DRC11L: variants seen among roughly 807,000 people sequenced by gnomAD.
DRC11L encodes the protein dynein regulatory complex subunit like-11.
chr7:151,195,753 G>GC, the DRC11L span: 2 of 398,010 alleles, frequency 5.0e-6, no homozygotes, highest in Non-Finnish European at 8.9e-6. Context: ...GAGGGGAGGA[G>GC]CCTTACAGAA....
chr7:151,198,900 C>T, the DRC11L span: 2 of 399,006 alleles, frequency 5.0e-6, no homozygotes, highest in Admixed American at 8.8e-5. Flanking sequence ...CATTGCTGCC[C>T]GGAACTCCTC....
chr7:151,199,703 T>A, the DRC11L span, among the ~76,000 whole-genome samples: 1 of 151,330 alleles, frequency 6.6e-6, no homozygotes, highest in East Asian at 2.0e-4. The surrounding 1 kb of genome is among the most constrained non-coding windows in gnomAD (Gnocchi z 5.2). Flanking sequence ...CTCCAATCCC[T>A]CCAGTCCCCA....
chr7:151,197,499 T>C, the DRC11L span, among the ~76,000 whole-genome samples: 1 of 152,144 alleles, frequency 6.6e-6, no homozygotes, highest in Admixed American at 6.5e-5. Flanking sequence ...CAGCTGAGCA[T>C]GCAGAGACTC....
At chr7:151,193,922 A>AC in the DRC11L span, among the ~76,000 whole-genome samples, 5 of 150,736 alleles carry the variant, frequency 3.3e-5, no homozygotes, top group African/African-American at 1.2e-4. Context: ...AAAAAAAAAA[A>AC]GGAAGGCATG....
the DRC11L span, chr7:151,192,505 C>A: frequency 2.5e-6 from 1 of 398,694 alleles, no homozygotes; most frequent in Non-Finnish European, 4.4e-6. Flanking sequence ...AGTGGCCCAG[C>A]GTATGGGGCT....
the DRC11L span, among the ~76,000 whole-genome samples, chr7:151,201,288 T>C: frequency 3.0e-3 from 463 of 152,346 alleles, 2 homozygotes; most frequent in Non-Finnish European, 5.5e-3. The surrounding 1 kb of genome is among the most constrained non-coding windows in gnomAD (Gnocchi z 4.1). Flanking sequence ...GGGTCCTTCA[T>C]ATATTCTTTC....
At chr7:151,196,501 C>T in the DRC11L span, 7 of 399,634 alleles carry the variant, frequency 1.8e-5, no homozygotes, top group Admixed American at 4.4e-5. Context: ...CGGAGGGTCT[C>T]GGAGTCATAA....
At chr7:151,201,513 A>G in the DRC11L span, among the ~76,000 whole-genome samples, 3 of 152,364 alleles carry the variant, frequency 2.0e-5, no homozygotes, top group East Asian at 5.8e-4. This position sits in a 1 kb window ranked among gnomAD's most constrained non-coding sequence, Gnocchi z 4.1. Context: ...ATCCTGCCTC[A>G]GACCAGCATG....
At chr7:151,203,509 G>A in the DRC11L span, 1 of 399,112 alleles carries the variant, frequency 2.5e-6, no homozygotes, top group Non-Finnish European at 4.4e-6. Flanking sequence ...GAACCTCCAG[G>A]TCAGCCTTTG....
At chr7:151,194,634 A>T in the DRC11L span, 2 of 399,232 alleles carry the variant, frequency 5.0e-6, no homozygotes. Context: ...CCCCACCACC[A>T]CAAGGGACAT....
chr7:151,197,370 A>ATTTTACAGAAGAGAGCCCTGGG, the DRC11L span: 2 of 398,782 alleles, frequency 5.0e-6, no homozygotes, highest in South Asian at 1.3e-4. Flanking sequence ...GATCAAGGGG[A>ATTTTACAGAAGAGAGCCCTGGG]TTTTACAGAA....
the DRC11L span, chr7:151,195,691 C>T: frequency 1.3e-5 from 5 of 398,982 alleles, no homozygotes; most frequent in Non-Finnish European, 2.2e-5. Context: ...GGCGGGGTGG[C>T]CTGGGGCTGG....
the DRC11L span, among the ~76,000 whole-genome samples, chr7:151,200,718 C>T: frequency 1.2e-4 from 19 of 152,256 alleles, no homozygotes; most frequent in East Asian, 3.1e-3. Context: ...TTTGCTATCT[C>T]TTTTGAGGGA....
chr7:151,197,706 C>T, the DRC11L span: 2 of 392,666 alleles, frequency 5.1e-6, no homozygotes, highest in Non-Finnish European at 9.0e-6. Context: ...TGCATTTCCC[C>T]CAGCCACCTC....
chr7:151,191,530 T>A, the DRC11L span: 1 of 397,870 alleles, frequency 2.5e-6, no homozygotes, highest in Middle Eastern at 6.3e-4. Context: ...TTCCACTGAT[T>A]GTCTTCTGGT....
the DRC11L span, among the ~76,000 whole-genome samples, chr7:151,191,465 C>G: frequency 2.0e-5 from 3 of 152,218 alleles, no homozygotes; most frequent in Admixed American, 2.0e-4. Flanking sequence ...GGCCCCGAAG[C>G]CTTGGCATTT....
the DRC11L span, chr7:151,198,669 G>A: frequency 5.0e-6 from 2 of 397,038 alleles, no homozygotes; most frequent in Non-Finnish European, 8.9e-6. Flanking sequence ...GGACCTGGGG[G>A]TAGAGGAGAA....
At chr7:151,200,220 G>T in the DRC11L span, among the ~76,000 whole-genome samples, 1 of 152,218 alleles carries the variant, frequency 6.6e-6, no homozygotes, top group African/African-American at 2.4e-5. Context: ...TGGCCAGGGG[G>T]CTTTTCTGTC....
chr7:151,201,963 T>C, the DRC11L span, among the ~76,000 whole-genome samples: 1 of 152,172 alleles, frequency 6.6e-6, no homozygotes, highest in Non-Finnish European at 1.5e-5. The surrounding 1 kb of genome is among the most constrained non-coding windows in gnomAD (Gnocchi z 4.1). Context: ...GGAGAGGCCA[T>C]GTTCACACAT....
Sources: gnomAD v4.1 joint callset for allele counts (sites outside exome capture counted in the v4.1 genomes callset) on GRCh38, gnomAD v4.1.1 for gene constraint, Gnocchi (gnomAD v3.1) non-coding constraint, MANE v1.5 for transcripts, NCBI Gene and HGNC (gene_info 2026-07-23, HGNC 2026-07-21) for gene names.